EPB41L5: variants seen among roughly 807,000 people sequenced by gnomAD.
EPB41L5 encodes band 4.1-like protein 5.
Under a neutral mutation model 106.6 loss-of-function variants are expected in EPB41L5, and 55 were observed. The observed-to-expected ratio is 0.52, with a 90% CI of 0.42 to 0.65. The LOEUF (loss-of-function observed/expected upper bound fraction) is 0.65. EPB41L5 is among the 30% of genes least tolerant of loss of function. The pLI is 0.00. For missense variants in EPB41L5, 871 were observed against 882.1 expected (o/e 0.99, Z 0.16); for synonymous variants, 297 against 306.7 (o/e 0.97, Z 0.33).
At chr2:120,093,338 A>C in intron 14 of EPB41L5, 62 bp downstream of exon 14, 2 of 1,347,100 alleles carry the variant, frequency 1.5e-6, no homozygotes, top group Non-Finnish European at 2.1e-6. Flanking sequence ...AGTTGCTATC[A>C]TTAAACAAAT....
chr2:120,043,005 G>A (rs398041458), intron 3 of EPB41L5, among the ~76,000 whole-genome samples: 3 of 55,262 alleles, frequency 5.4e-5, no homozygotes, highest in Admixed American at 2.0e-4. Flanking sequence ...ATGTGTGTGT[G>A]TGTGTGTGTG....
chr2:120,104,070 G>A (rs2105407190), intron 16 of EPB41L5: 1 of 1,533,518 alleles, frequency 6.5e-7, no homozygotes, highest in Non-Finnish European at 8.7e-7. Flanking sequence ...GCTCTCTGCT[G>A]CCAGCGACTG....
In EPB41L5 at chr2:120,105,115, A is replaced by G. The variant is rs112657467; in HGVS notation, c.1337+4301A>G. 84 of 978,910 alleles carry G rather than the reference A, an allele frequency of 8.6e-5. No individual in the cohort carries two copies. In the African/African-American group the frequency reaches 1.3e-3, roughly 15 times the overall value. The allele number at this position is 978,910 out of a possible 1,614,324, so 60.6% of individuals were successfully genotyped here. On this transcript the variant is annotated intron_variant, in intron 16 of 24. Coordinates refer to ENST00000263713, the MANE Select transcript of EPB41L5 (RefSeq NM_020909.4). ...AAAATAAAATTCTGAAGCCAAAACC[A>G]TATGATTTTTAGATTGTATTACTAT...
chr2:120,097,637 G>A (rs1284545359), intron 14 of EPB41L5, among the ~76,000 whole-genome samples: 1 of 152,110 alleles, frequency 6.6e-6, no homozygotes, highest in Non-Finnish European at 1.5e-5. Flanking sequence ...ATGCAGTCTT[G>A]AAGACAGGAA....
Position 120,128,256 on chromosome 2 carries a change from AAC to A in EPB41L5, c.1501+439_1501+440del, listed in dbSNP as rs3084679. Among the ~76,000 whole-genome samples, 648 of 145,256 alleles carry A rather than the reference AAC, an allele frequency of 4.5e-3. 1 individual carries two copies. The highest frequency in any genetic ancestry group is 0.01 in the Middle Eastern group (3 of 286). On this transcript the variant is annotated intron_variant, in intron 17 of 24. Transcript: ENST00000263713. ...TAACACAGAAAGAATGGTGCTTTAA[AAC>A]ACACACACACACACACACACACACA...
intron 22 of EPB41L5, among the ~76,000 whole-genome samples, chr2:120,166,556 G>T (rs764733966): frequency 2.0e-5 from 3 of 151,912 alleles, no homozygotes; most frequent in Non-Finnish European, 4.4e-5. Flanking sequence ...TCCTGCCTTG[G>T]CCTCCCGAGT....
chr2:120,167,966 G>C lies in EPB41L5; in HGVS notation c.2094G>C (p.Leu698=). 2 of 1,614,108 alleles carry C rather than the reference G, an allele frequency of 1.2e-6. No homozygotes were observed. The highest frequency in any genetic ancestry group is 2.2e-5 in the East Asian group (1 of 44,884). ...EGHGNKDGIS[L]ISPPAPFLVD... is the part of the protein sequence containing the mutation. ...ATGGTAATAAAGATGGAATCTCACT[G>C]ATCTCTCCCCCAGCGCCATTCTTGG... The change falls in exon 24 of 25, where the codon CTG becomes CTC. Residue 698 remains leucine (L), a synonymous_variant. Coordinates refer to ENST00000263713, the MANE Select transcript of EPB41L5 (RefSeq NM_020909.4).
intron 3 of EPB41L5, among the ~76,000 whole-genome samples, chr2:120,051,417 AAT>A (rs1427611821): frequency 6.6e-6 from 1 of 152,152 alleles, no homozygotes; most frequent in Non-Finnish European, 1.5e-5. Context: ...CTGTGCTAGC[AAT>A]GAGTGAGGAT....
At chr2:120,149,897 T>G (rs1574760535) in intron 20 of EPB41L5, among the ~76,000 whole-genome samples, 1 of 149,762 alleles carries the variant, frequency 6.7e-6, no homozygotes, top group African/African-American at 2.4e-5. Context: ...CTGTACTTTT[T>G]TTTTTTTTTT....
chr2:120,089,394 T>C (rs10454130), intron 11 of EPB41L5, among the ~76,000 whole-genome samples: 106,018 of 151,888 alleles, frequency 0.7, 38,396 homozygotes, highest in Non-Finnish European at 0.8. Context: ...ATATATATTT[T>C]GTAACTTTTT....
At chr2:120,018,983 C>T (rs1362445946) in intron 1 of EPB41L5, 94 bp from the exon 2 acceptor site, 3 of 1,109,430 alleles carry the variant, frequency 2.7e-6, no homozygotes, top group South Asian at 1.5e-5. Flanking sequence ...CTAATGTTCA[C>T]AGGACTTGAC....
At position 120,143,107 on chromosome 2, in the gene EPB41L5, G is replaced by A. The variant is rs146507390; in HGVS notation, c.1704G>A (p.Lys568=). The A allele has an allele frequency of 5.0e-6, 8 of 1,605,466 alleles. No individual in the cohort carries two copies. Among genetic ancestry groups the A allele is most frequent in the Non-Finnish European group, 5.1e-6 (6 of 1,177,018 alleles). ...CTGACTTCAAGAGTAACATTTTGAAGGCTCAAGTAGAAGCAGTGCATAAGG... is the reference window on the plus strand; with the variant it reads ...CTGACTTCAAGAGTAACATTTTGAAAGCTCAAGTAGAAGCAGTGCATAAGG... ...VPPDFKSNIL[K]AQVEAVHKVT... is the part of the protein sequence containing the mutation. The change falls in exon 19 of 25, where the codon AAG becomes AAA. Residue 568 remains lysine, a synonymous_variant. Coordinates refer to ENST00000263713, the MANE Select transcript of EPB41L5 (RefSeq NM_020909.4).
chr2:120,168,003 A>G lies in EPB41L5; in HGVS notation c.2131A>G (p.Thr711Ala). Residue 711 changes from threonine (T) to alanine (A), a missense_variant, in exon 24 of 25, where the codon ACC (threonine) becomes GCC (alanine). Thr to Ala is a moderately conservative substitution (Grantham distance 58, BLOSUM62 0). Transcript: ENST00000263713. ...AGCGCCATTCTTGGTAGATGCTGTGACCAGGTGAGAAAATTATTTCTCATT... is the reference window on the plus strand; with the variant it reads ...AGCGCCATTCTTGGTAGATGCTGTGGCCAGGTGAGAAAATTATTTCTCATT... ...PPAPFLVDAV[T>A]SSGPILAEEA... is the part of the protein sequence containing the mutation. The G allele has an allele frequency of 1.2e-6, 2 of 1,614,108 alleles. No individual in the cohort carries two copies. Among genetic ancestry groups the G allele is most frequent in the Non-Finnish European group, 1.7e-6 (2 of 1,179,958 alleles).
chr2:120,067,317 A>T (rs1681510987), intron 3 of EPB41L5, among the ~76,000 whole-genome samples: 1 of 152,240 alleles, frequency 6.6e-6, no homozygotes, highest in Non-Finnish European at 1.5e-5. Context: ...TTGGCAAGAA[A>T]AGTAAACAGT....
chr2:120,141,097 G>A (rs1311690281), intron 18 of EPB41L5, among the ~76,000 whole-genome samples: 1 of 152,060 alleles, frequency 6.6e-6, no homozygotes, highest in Non-Finnish European at 1.5e-5. Flanking sequence ...ATCACATCCG[G>A]CCTGCATTAT....
intron 3 of EPB41L5, among the ~76,000 whole-genome samples, chr2:120,063,723 A>C (rs116126397): frequency 0.046 from 6,997 of 152,286 alleles, 231 homozygotes; most frequent in Non-Finnish European, 0.071. Context: ...AGAGGGGCGG[A>C]TCACCTGAGG....
chr2:120,065,515 C>T (rs376791260), intron 3 of EPB41L5, among the ~76,000 whole-genome samples: 9 of 139,966 alleles, frequency 6.4e-5, no homozygotes, highest in African/African-American at 7.9e-5. Context: ...TTAGATTGTT[C>T]TTTTTTTTTT....
chr2:120,044,115 G>A (rs1224485070), intron 3 of EPB41L5, among the ~76,000 whole-genome samples: 1 of 150,176 alleles, frequency 6.7e-6, no homozygotes, highest in Non-Finnish European at 1.5e-5. Flanking sequence ...ACTCTAGTCT[G>A]GGTAACAGAG....
chr2:120,027,847 A>AT (rs1235014730), intron 2 of EPB41L5, among the ~76,000 whole-genome samples: 1 of 152,066 alleles, frequency 6.6e-6, no homozygotes, highest in African/African-American at 2.4e-5. Flanking sequence ...CAGTGAAGCT[A>AT]TTTTTTTAAA....
Sources: gnomAD v4.1 joint callset for allele counts (sites outside exome capture counted in the v4.1 genomes callset) on GRCh38, gnomAD v4.1.1 for gene constraint, MANE v1.5 for transcripts, NCBI Gene and HGNC (gene_info 2026-07-23, HGNC 2026-07-21) for gene names.